The following CDAN1 variants were observed in gnomAD, a reference collection of about 807,000 sequenced individuals.
The protein encoded by CDAN1 is codanin-1.
A neutral mutation model predicts 139.8 loss-of-function variants in CDAN1; 107 were observed. The observed-to-expected ratio is 0.77, with a 90% CI of 0.65 to 0.90. The LOEUF is 0.90. Ranked by LOEUF, CDAN1 falls within the 40% of genes least tolerant of loss-of-function variation. CDAN1 has a pLI of 0.00. For missense variants in CDAN1, 1,667 were observed against 1,575.7 expected (o/e 1.06, Z -0.98); for synonymous variants, 776 against 660.6 (o/e 1.17, Z -2.68).
chr15:42,735,991 T>C lies in CDAN1; in HGVS notation c.657A>G (p.Pro219=). The stretch of plus-strand genomic sequence containing the variant: ...GTTGGGAACTGGGGACACAGCTGAT[T>C]GGGGGTGAGGTGAAGCAGGTCTTGG... ...SKPKTCFTSP[P]ISCVPSSQPS... Residue 219 remains proline (P), a synonymous_variant, in exon 3 of 28, where the codon CCA becomes CCG. Coordinates refer to ENST00000356231, the MANE Select transcript of CDAN1 (RefSeq NM_138477.4). The C allele has an allele frequency of 6.2e-7, 1 of 1,614,108 alleles. No individual in the cohort carries two copies. Among genetic ancestry groups the C allele is most frequent in the Non-Finnish European group, 8.5e-7 (1 of 1,180,002 alleles).
At chr15:42,728,916 T>C in intron 19 of CDAN1, 106 bp from the exon 20 acceptor site, 1 of 1,586,290 alleles carries the variant, frequency 6.3e-7, no homozygotes, top group Non-Finnish European at 8.7e-7. Context: ...GTGTCAGCCA[T>C]TTCAGCCCCA....
Position 42,733,950 on chromosome 15 carries a change from A to G in CDAN1, c.1355T>C (p.Phe452Ser), listed in dbSNP as rs753763356. The G allele has an allele frequency of 5.6e-6, 9 of 1,612,922 alleles. No individual in the cohort carries two copies. The South Asian group carries it at 9.9e-5, about 18-fold the overall frequency. The change falls in exon 8 of 28, where the codon TTT (phenylalanine) becomes TCT (serine). Residue 452 changes from phenylalanine to serine, a missense_variant. This residue lies in a region of CDAN1 where 244 missense variants were observed against 309.4 expected (regional missense o/e 0.79). Coordinates refer to ENST00000356231, the MANE Select transcript of CDAN1 (RefSeq NM_138477.4). ...NFSSDRAFHT[F>S]KKQRDVFYEV... ...CTTTTCTTATCACCTCTGTTTCTTA[A>G]AAGTATGAAAGGCTCGGTCACTGGA... is the stretch of plus-strand genomic sequence containing the variant.
Position 42,735,264 on chromosome 15 carries a change from G to A in CDAN1, c.1054C>T (p.Leu352=), listed in dbSNP as rs2061672203. ...AAAAGGAGGCTTGCTCACTGACCTAGGACAGCTGGACTTAGTTCAGGGTCG... is the reference window on the plus strand; with the variant it reads ...AAAAGGAGGCTTGCTCACTGACCTAAGACAGCTGGACTTAGTTCAGGGTCG... The part of the protein sequence containing the change: ...DSDPELSPAV[L]DSLESPLFQS... The change falls in exon 5 of 28, where the codon CTA becomes TTA. Residue 352 remains leucine, a synonymous_variant. Coordinates refer to ENST00000356231, the MANE Select transcript of CDAN1 (RefSeq NM_138477.4). 1.9e-6 allele frequency: 3 copies of A among 1,606,642 alleles called. No homozygotes were observed. The highest frequency in any genetic ancestry group is 2.6e-6 in the Non-Finnish European group (3 of 1,175,850).
chr15:42,730,681 C>G lies in CDAN1; in HGVS notation c.2091G>C (p.Val697=), dbSNP rs777791305. The G allele has an allele frequency of 6.2e-7, 1 of 1,614,068 alleles. No individual in the cohort carries two copies. Among genetic ancestry groups the G allele is most frequent in the Admixed American group, 1.7e-5 (1 of 60,014 alleles). Reference sequence around the variant, plus strand: ...CATGGTCAGCAAAGGAGAGAAACTCCACCAGCCAGGGCACGGTGAGCACCG... The same window carrying G: ...CATGGTCAGCAAAGGAGAGAAACTCGACCAGCCAGGGCACGGTGAGCACCG... ...RRAVLTVPWL[V]EFLSFADHVV... is the part of the protein sequence containing the mutation. The change falls in exon 14 of 28, where the codon GTG becomes GTC. Residue 697 remains valine (V), a synonymous_variant. Coordinates refer to ENST00000356231, the MANE Select transcript of CDAN1 (RefSeq NM_138477.4).
chr15:42,735,635 G>C lies in CDAN1; in HGVS notation c.818C>G (p.Pro273Arg), dbSNP rs2061677661. ...GCTGGGGAGGGGCGACCCCAATTCT[G>C]GGGTGGGACAGGTGGGGGTAGGTGA... ...QQSPTPTCPT[P>R]ELGSPLPSRT... The change falls in exon 4 of 28, where the codon CCA (proline) becomes CGA (arginine). Residue 273 changes from proline to arginine, a missense_variant. Around this residue, in one of 3 missense-constraint regions of CDAN1, gnomAD observed 487 missense variants for 422.2 expected, o/e 1.15. Coordinates refer to ENST00000356231, the MANE Select transcript of CDAN1 (RefSeq NM_138477.4). 6.2e-7 allele frequency: 1 copy of C among 1,614,094 alleles called. No individual in the cohort carries two copies. Among genetic ancestry groups the C allele is most frequent in the Admixed American group, 1.7e-5 (1 of 60,030 alleles).
At chr15:42,726,655 G>A (rs2061533824) in intron 23 of CDAN1, 1 of 576,128 alleles carries the variant, frequency 1.7e-6, no homozygotes, top group Non-Finnish European at 3.1e-6. Context: ...ACAGTAGGCT[G>A]CCATAGCATG....
intron 23 of CDAN1, 61 bp from the exon 24 acceptor site, chr15:42,726,478 G>A: frequency 1.4e-6 from 2 of 1,388,466 alleles, no homozygotes; most frequent in Non-Finnish European, 2.0e-6. Flanking sequence ...CAGAGAATTT[G>A]GCTTGGGACA....
At chr15:42,730,496 C>G in intron 14 of CDAN1, 102 bp downstream of exon 14, 1 of 1,370,964 alleles carries the variant, frequency 7.3e-7, no homozygotes, top group Non-Finnish European at 1.0e-6. Flanking sequence ...CAGGGCCCCA[C>G]ACGCACAGTG....
intron 24 of CDAN1, 50 bp from the exon 25 acceptor site, chr15:42,726,210 A>G (rs371724263): frequency 1.9e-6 from 3 of 1,607,510 alleles, no homozygotes; most frequent in Non-Finnish European, 2.6e-6. Context: ...CACCATGCTT[A>G]CTGCTGCGAG....
At chr15:42,730,364 G>A in intron 14 of CDAN1, 149 bp from the exon 15 acceptor site, 2 of 893,214 alleles carry the variant, frequency 2.2e-6, no homozygotes, top group Non-Finnish European at 3.7e-6. Flanking sequence ...CCCGCCTCCT[G>A]CATGGGGACT....
At chr15:42,734,101 C>T in intron 7 of CDAN1, 54 bp from the exon 8 acceptor site, 1 of 1,595,552 alleles carries the variant, frequency 6.3e-7, no homozygotes, top group Non-Finnish European at 8.6e-7. Flanking sequence ...GAAAACTTCT[C>T]CCTCTTATTC....
chr15:42,733,276 ACCT>A, intron 8 of CDAN1, 90 bp from the exon 9 acceptor site: 1 of 930,960 alleles, frequency 1.1e-6, no homozygotes, highest in Non-Finnish European at 1.6e-6. Flanking sequence ...CCCACCCACC[ACCT>A]TTTTTTTTTT....
Position 42,725,074 on chromosome 15 carries a change from C to T in CDAN1, c.3558+70G>A, listed in dbSNP as rs1024276189. 26 of 1,330,514 alleles carry T rather than the reference C, an allele frequency of 2.0e-5. No homozygotes were observed. The African/African-American group carries it at 2.9e-4, about 15-fold the overall frequency. 82.4% of individuals were successfully genotyped at this position (1,330,514 alleles called of 1,614,324 possible). ...CCACTTAGTTTGGCCCCATCACTTG[C>T]TTCCTTTCAGGACAGATGGGATATG... On this transcript the variant is annotated intron_variant, in intron 27 of 27. Coordinates refer to ENST00000356231, the MANE Select transcript of CDAN1 (RefSeq NM_138477.4).
At position 42,735,343 on chromosome 15, in the gene CDAN1, A is replaced by G. The variant is rs1353307650; in HGVS notation, c.975T>C (p.Leu325=). The change falls in exon 5 of 28, where the codon CTT becomes CTC. Residue 325 remains leucine, a synonymous_variant. Transcript: ENST00000356231. Reference sequence around the variant, plus strand: ...CAGTGAGGAGCTGAAAGACGAAGAAAAGCTCCAAGAAGAGGTTTGGTACCA... The same window carrying G: ...CAGTGAGGAGCTGAAAGACGAAGAAGAGCTCCAAGAAGAGGTTTGGTACCA... ...ENLVPNLFLE[L]FFVFQLLTAR... 6.2e-7 allele frequency: 1 copy of G among 1,608,514 alleles called. No homozygotes were observed. Among genetic ancestry groups the G allele is most frequent in the Non-Finnish European group, 8.5e-7 (1 of 1,177,238 alleles).
rs771331060 is a variant in CDAN1, at chr15:42,729,823, C to T, written c.2325G>A (p.Val775=). Residue 775 remains valine, a synonymous_variant, in exon 16 of 28, where the codon GTG becomes GTA. Transcript: ENST00000356231. ...AGCCATGCTCTGGGGCTACTGTGTCCACCTCAAAGGCATATGAGGGACCCT... is the reference window on the plus strand; with the variant it reads ...AGCCATGCTCTGGGGCTACTGTGTCTACCTCAAAGGCATATGAGGGACCCT... The part of the protein sequence containing the change: ...LEEGPSYAFE[V]DTVAPEHGLD... The T allele has an allele frequency of 6.8e-6, 11 of 1,613,660 alleles. No individual in the cohort carries two copies. Among genetic ancestry groups the T allele is most frequent in the African/African-American group, 2.7e-5 (2 of 74,872 alleles).
Position 42,737,116 on chromosome 15 carries a change from C to T in CDAN1, c.-14G>A, listed in dbSNP as rs190314153. On this transcript the variant is annotated 5_prime_UTR_variant, in exon 1 of 28. Transcript: ENST00000356231. Reference sequence around the variant, plus strand: ...AACGGCCGCCATCCCGGTCGGGGCGCTCTGGGGCGACTGCGCAGGCGCCGG... The same window carrying T: ...AACGGCCGCCATCCCGGTCGGGGCGTTCTGGGGCGACTGCGCAGGCGCCGG... The T allele has an allele frequency of 6.1e-3, 8,932 of 1,464,932 alleles. 114 individuals are homozygous for T. The highest frequency in any genetic ancestry group is 4.9e-3 in the Non-Finnish European group (5,370 of 1,104,368). 90.7% of individuals were successfully genotyped at this position (1,464,932 alleles called of 1,614,324 possible).
intron 11 of CDAN1, 41 bp downstream of exon 11, chr15:42,731,579 T>A (rs1293643291): frequency 6.2e-7 from 1 of 1,603,710 alleles, no homozygotes; most frequent in Non-Finnish European, 8.5e-7. Context: ...AAACCTTTCC[T>A]GGCCTCTGCC....
Position 42,726,113 on chromosome 15 carries a change from C to T in CDAN1, c.3252G>A (p.Glu1084=), listed in dbSNP as rs2061523577. Residue 1084 remains glutamate (E), a synonymous_variant, in exon 25 of 28, where the codon GAG becomes GAA. Transcript: ENST00000356231. ...AEQHLAKCSV[E]LASLLVADQI... ...CAACCATACCGAGGAGGGAAGCTAA[C>T]TCCACAGAGCACTTTGCCAGATGCT... 2 of 1,612,784 alleles carry T rather than the reference C, an allele frequency of 1.2e-6. No homozygotes were observed. Among genetic ancestry groups the T allele is most frequent in the African/African-American group, 1.3e-5 (1 of 74,788 alleles).
rs962870388 is a variant in CDAN1, at chr15:42,730,598, C to T, written c.2174G>A (p.Arg725Gln). The change falls in exon 14 of 28, where the codon CGG (arginine) becomes CAG (glutamine). Residue 725 changes from arginine (R) to glutamine (Q), a missense_variant and splice_region_variant. Transcript: ENST00000356231. ...DIFTLLLRLH[R>Q]SLVLSQESEG... ...CAAGCCTCAGCCTTGTTCCACTCAC[C>T]GGTGCAGGCGCAGCAGGAGAGTGAA... is the stretch of plus-strand genomic sequence containing the variant. The T allele has an allele frequency of 3.7e-6, 6 of 1,614,002 alleles. No homozygotes were observed. Among genetic ancestry groups the T allele is most frequent in the Admixed American group, 3.3e-5 (2 of 60,002 alleles).
Sources: allele counts gnomAD v4.1 joint callset, GRCh38; gene constraint gnomAD v4.1.1; regional missense constraint gnomAD v4.1.1; transcripts MANE v1.5; gene names NCBI Gene and HGNC (gene_info 2026-07-23, HGNC 2026-07-21).